Variants in PAQR7 observed in about 807,000 individuals in gnomAD.
PAQR7 encodes membrane progestin receptor alpha.
In PAQR7, 14 loss-of-function variants were observed where a neutral mutation model predicts 24.6. The observed-to-expected ratio is 0.57, with a 90% confidence interval of 0.38 to 0.89. PAQR7 has a LOEUF of 0.89. Among genes scored for constraint, PAQR7 ranks in the 40% least tolerant of loss-of-function variants. The pLI, the probability that PAQR7 is intolerant of heterozygous loss-of-function variation, is 0.00. For missense variants in PAQR7, 351 were observed against 444.0 expected (o/e 0.79, Z 1.88); for synonymous variants, 189 against 198.8 (o/e 0.95, Z 0.42).
At chr1:25,866,173 C>T (rs1229606594) in intron 2 of PAQR7, among the ~76,000 whole-genome samples, 1 of 151,982 alleles carries the variant, frequency 6.6e-6, no homozygotes, top group African/African-American at 2.4e-5. Context: ...GTTGCTAGTT[C>T]CAAATAAATC....
At chr1:25,865,046 C>T (rs11810964) in intron 2 of PAQR7, among the ~76,000 whole-genome samples, 9,425 of 151,500 alleles carry the variant, frequency 0.062, 980 homozygotes, top group African/African-American at 0.22. Context: ...GTCCCAGCTG[C>T]TCGGGAGGCT....
chr1:25,875,284 CG>C lies in PAQR7; in HGVS notation c.-109+203del, dbSNP rs1273599163. Among the ~76,000 whole-genome samples the C allele has an allele frequency of 1.3e-5, 2 of 152,210 alleles. No homozygotes were observed. Among genetic ancestry groups the C allele is most frequent in the Non-Finnish European group, 2.9e-5 (2 of 68,040 alleles). ...CTGCGCCCTCCGCTGGCTGCTTCCCCGGGCGGGCGTCCTCTCACTTAGCCCA... is the reference window on the plus strand; with the variant it reads ...CTGCGCCCTCCGCTGGCTGCTTCCCCGGCGGGCGTCCTCTCACTTAGCCCA... On this transcript the variant is annotated intron_variant, in intron 1 of 2. Coordinates refer to ENST00000675840, the MANE Select transcript of PAQR7 (RefSeq NM_178422.6). This position sits in a 1 kb window ranked among gnomAD's most constrained non-coding sequence, Gnocchi z 5.4.
Position 25,862,737 on chromosome 1 carries a change from G to C in PAQR7, c.*62C>G, listed in dbSNP as rs994158990. ...CTTTACCAGGCCTTGTTCCCACCTG[G>C]AGCCAAACCCAGACCCCTGTCCCCC... On this transcript the variant is annotated 3_prime_UTR_variant, in exon 3 of 3. Coordinates refer to ENST00000675840, the MANE Select transcript of PAQR7 (RefSeq NM_178422.6). 3.3e-6 allele frequency: 5 copies of C among 1,511,878 alleles called. No individual in the cohort carries two copies. The highest frequency in any genetic ancestry group is 3.6e-6 in the Non-Finnish European group (4 of 1,111,902). The allele number at this position is 1,511,878 out of a possible 1,614,324, so 93.7% of individuals were successfully genotyped here.
In PAQR7 at chr1:25,866,986, C is replaced by T. The variant is rs190428451; in HGVS notation, c.-22-3125G>A. Among the ~76,000 whole-genome samples the T allele has an allele frequency of 5.5e-3, 838 of 151,858 alleles. 20 individuals carry two copies. The highest frequency in any genetic ancestry group is 0.045 in the Admixed American group (691 of 15,246). On this transcript the variant is annotated intron_variant, in intron 2 of 2. Transcript: ENST00000675840. ...CCTCAGGTGATCCACCTACCTTGGC[C>T]TCCCAAAGTGTTGGGATTACAGGCG...
In PAQR7 at chr1:25,863,455, C is replaced by A. The variant is rs760375332; in HGVS notation, c.385G>T (p.Ala129Ser). Reference sequence around the variant, plus strand: ...CTGTAATGCCAGAACTCAGACTTGGCCTGCAGGAGGTGAGCCAAGGCACTG... The same window carrying A: ...CTGTAATGCCAGAACTCAGACTTGGACTGCAGGAGGTGAGCCAAGGCACTG... ...SFSALAHLLQ[A>S]KSEFWHYSFF... is the part of the protein sequence containing the mutation. The change falls in exon 3 of 3, where the codon GCC becomes TCC. Residue 129 changes from alanine to serine, a missense_variant. Transcript: ENST00000675840. This position sits in a 1 kb window ranked among gnomAD's most constrained non-coding sequence, Gnocchi z 6.1. 1.4e-5 allele frequency: 22 copies of A among 1,614,190 alleles called. No individual in the cohort carries two copies. Among genetic ancestry groups the A allele is most frequent in the Non-Finnish European group, 1.8e-5 (21 of 1,180,022 alleles).
intron 2 of PAQR7, among the ~76,000 whole-genome samples, chr1:25,867,783 TG>T (rs2048569450): frequency 6.6e-6 from 1 of 152,224 alleles, no homozygotes; most frequent in South Asian, 2.1e-4. Context: ...GAGCCTGATT[TG>T]CATTCCTAAG....
intron 1 of PAQR7, among the ~76,000 whole-genome samples, chr1:25,873,321 C>T (rs374378495): frequency 2.0e-5 from 3 of 152,318 alleles, no homozygotes; most frequent in East Asian, 1.9e-4. Flanking sequence ...CTTTGTCCAC[C>T]GTGGGTAACT....
chr1:25,873,952 C>G (rs185699434), intron 1 of PAQR7, among the ~76,000 whole-genome samples: 1 of 152,170 alleles, frequency 6.6e-6, no homozygotes, highest in East Asian at 1.9e-4. Context: ...GGCAAGATCT[C>G]GGCTCACTGC....
chr1:25,863,686 G>A lies in PAQR7; in HGVS notation c.154C>T (p.Arg52Trp), dbSNP rs367895843. 4.6e-5 allele frequency: 74 copies of A among 1,614,064 alleles called. No homozygotes were observed. The highest frequency in any genetic ancestry group is 5.5e-5 in the Non-Finnish European group (65 of 1,180,052). ...FWKPYIYAGY[R>W]PLHQTWRFYF... ...AAGCGCCAGGTCTGATGCAGCGGCC[G>A]GTAGCCCGCATAGATGTACGGCTTC... The change falls in exon 3 of 3, where the codon CGG becomes TGG. Residue 52 changes from arginine to tryptophan, a missense_variant. Transcript: ENST00000675840. This position sits in a 1 kb window ranked among gnomAD's most constrained non-coding sequence, Gnocchi z 6.1.
chr1:25,874,442 G>A (rs985535874), intron 1 of PAQR7, among the ~76,000 whole-genome samples: 1 of 152,176 alleles, frequency 6.6e-6, no homozygotes, highest in African/African-American at 2.4e-5. Context: ...TTGGGTGAAC[G>A]AGCTATAGTC....
chr1:25,863,964 A>G lies in PAQR7; in HGVS notation c.-22-103T>C, dbSNP rs1275837110. 2 of 814,014 alleles carry G rather than the reference A, an allele frequency of 2.5e-6. No individual in the cohort carries two copies. Among genetic ancestry groups the G allele is most frequent in the Middle Eastern group, 3.5e-4 (1 of 2,824 alleles). The allele number at this position is 814,014 out of a possible 1,614,324, so 50.4% of individuals were successfully genotyped here. ...CAAATCCTACTCCCTCCTCTCCGAC[A>G]GCCTTATCCTTACACTCGGTTTAAG... is the stretch of plus-strand genomic sequence containing the variant. On this transcript the variant is annotated intron_variant, in intron 2 of 2. Coordinates refer to ENST00000675840, the MANE Select transcript of PAQR7 (RefSeq NM_178422.6). This position sits in a 1 kb window ranked among gnomAD's most constrained non-coding sequence, Gnocchi z 6.1.
intron 2 of PAQR7, among the ~76,000 whole-genome samples, chr1:25,864,770 G>A (rs1294696653): frequency 1.3e-5 from 2 of 151,982 alleles, no homozygotes; most frequent in Non-Finnish European, 2.9e-5. Flanking sequence ...AGGATCCCTT[G>A]AGCCCAGGAA....
intron 1 of PAQR7, among the ~76,000 whole-genome samples, chr1:25,872,912 G>A (rs1238428742): frequency 3.9e-5 from 6 of 152,034 alleles, no homozygotes; most frequent in Non-Finnish European, 5.9e-5. Context: ...TTCCTCTTTT[G>A]CCTCCTTCTT....
rs577477067 is a variant in PAQR7, at chr1:25,863,142, G to A, written c.698C>T (p.Thr233Met). 9.3e-6 allele frequency: 15 copies of A among 1,614,198 alleles called. No homozygotes were observed. The highest frequency in any genetic ancestry group is 6.7e-5 in the East Asian group (3 of 44,880). Residue 233 changes from threonine (T) to methionine (M), a missense_variant, in exon 3 of 3, where the codon ACG becomes ATG. Coordinates refer to ENST00000675840, the MANE Select transcript of PAQR7 (RefSeq NM_178422.6). This position sits in a 1 kb window ranked among gnomAD's most constrained non-coding sequence, Gnocchi z 6.1. ...GTGGTAGAGAAGAGCTGGATCATCC[G>A]TGGTGGGGTCGGAGGACACGAAGAT... ...HRIFVSSDPT[T>M]DDPALLYHKC...
rs753953436 is a variant in PAQR7 at position 25,870,714 on chromosome 1, A to C, written c.-108-20T>G. On this transcript the variant is annotated intron_variant, in intron 1 of 2. Transcript: ENST00000675840. ...TGTCCACTACTCAGTGGGAATCAGA[A>C]TGGAAGAAGGTTAGGAATAAAGGAA... The C allele has an allele frequency of 6.6e-6, 1 of 152,258 alleles. No individual in the cohort carries two copies. The highest frequency in any genetic ancestry group is 1.5e-5 in the Non-Finnish European group (1 of 68,058). 9.4% of individuals were successfully genotyped at this position (152,258 alleles called of 1,614,324 possible). A position where few individuals can be genotyped will look rare whatever the true frequency, so the allele number is the denominator to read the frequency against.
chr1:25,865,947 T>C (rs1266017029), intron 2 of PAQR7, among the ~76,000 whole-genome samples: 3 of 149,302 alleles, frequency 2.0e-5, no homozygotes, highest in African/African-American at 5.0e-5. Context: ...GATCGCACCA[T>C]TGCACTCCAG....
rs559122976 is a variant in PAQR7 at position 25,875,065 on chromosome 1, G to A, written c.-109+423C>T. ...TCCCTGACTGTCCTGCTCCAGGAAG[G>A]CAGCGGCCTTGCCCGGGCCAGACGC... On this transcript the variant is annotated intron_variant, in intron 1 of 2. Transcript: ENST00000675840. The surrounding 1 kb of genome is among the most constrained non-coding windows in gnomAD (Gnocchi z 5.4). Among the ~76,000 whole-genome samples the A allele has an allele frequency of 6.6e-6, 1 of 152,306 alleles. No individual in the cohort carries two copies. Among genetic ancestry groups the A allele is most frequent in the East Asian group, 1.9e-4 (1 of 5,172 alleles).
intron 2 of PAQR7, among the ~76,000 whole-genome samples, chr1:25,865,021 T>TG (rs1317816547): frequency 3.3e-5 from 5 of 149,926 alleles, no homozygotes; most frequent in South Asian, 2.1e-4. Flanking sequence ...CCAGGTGAGG[T>TG]GGGGGGCACC....
chr1:25,863,232 C>T lies in PAQR7; in HGVS notation c.608G>A (p.Arg203His), dbSNP rs182757920. 147 of 1,614,240 alleles carry T rather than the reference C, an allele frequency of 9.1e-5. No homozygotes were observed. Among genetic ancestry groups the T allele is most frequent in the Admixed American group, 5.7e-4 (34 of 60,032 alleles). ...KYIQKPGLLGRTCQEVPSVLA... is the reference protein window; with the variant it reads ...KYIQKPGLLGHTCQEVPSVLA... Reference sequence around the variant, plus strand: ...GACGGAGGGCACCTCCTGGCATGTGCGGCCCAGCAGGCCTGGTTTCTGGAT... The same window carrying T: ...GACGGAGGGCACCTCCTGGCATGTGTGGCCCAGCAGGCCTGGTTTCTGGAT... Residue 203 changes from arginine to histidine, a missense_variant, in exon 3 of 3, where the codon CGC (arginine) becomes CAC (histidine). Physicochemically the swap from Arg to His is conservative, Grantham distance 29 (BLOSUM62 0). Transcript: ENST00000675840. The surrounding 1 kb of genome is among the most constrained non-coding windows in gnomAD (Gnocchi z 6.1).
Sources: gnomAD v4.1 joint callset for allele counts (sites outside exome capture counted in the v4.1 genomes callset) on GRCh38, gnomAD v4.1.1 for gene constraint, Gnocchi (gnomAD v3.1) non-coding constraint, MANE v1.5 for transcripts, NCBI Gene and HGNC (gene_info 2026-07-23, HGNC 2026-07-21) for gene names.